Variants in CNGB3 observed in about 807,000 individuals in gnomAD.
The protein encoded by CNGB3 is cyclic nucleotide-gated channel beta-3.
A neutral mutation model predicts 92.8 loss-of-function variants in CNGB3; 86 were observed. The ratio of observed to expected loss-of-function variants is 0.93; its 90% CI spans 0.78 to 1.11. The LOEUF (loss-of-function observed/expected upper bound fraction) is 1.11. Among genes scored for constraint, CNGB3 ranks in the 50% least tolerant of loss-of-function variants. CNGB3 has a pLI of 0.00. For missense variants in CNGB3, 1,026 were observed against 956.8 expected (o/e 1.07, Z -0.95); for synonymous variants, 333 against 332.7 (o/e 1.00, Z -0.01).
At chr8:86,667,234 G>C (rs1823761238) in intron 5 of CNGB3, 101 bp from the exon 6 acceptor site, 1 of 984,122 alleles carries the variant, frequency 1.0e-6, no homozygotes, top group Non-Finnish European at 1.6e-6. Context: ...CCTCTACAGA[G>C]TAATTTGCCA....
At chr8:86,666,489 C>T (rs551678137) in intron 6 of CNGB3, among the ~76,000 whole-genome samples, 1 of 152,146 alleles carries the variant, frequency 6.6e-6, no homozygotes, top group South Asian at 2.1e-4. Flanking sequence ...ACCTCAGTTT[C>T]CTCATTTGTA....
chr8:86,695,359 A>T (rs7464753), intron 3 of CNGB3, among the ~76,000 whole-genome samples: 3 of 80,754 alleles, frequency 3.7e-5, no homozygotes, highest in East Asian at 6.6e-4. Context: ...TTCATTTTTT[A>T]AAAAATTATT....
rs1362140504 is a variant in CNGB3, at chr8:86,578,995, A to C, written c.1928+111T>G. The C allele has an allele frequency of 6.5e-6, 10 of 1,543,682 alleles. No individual in the cohort carries two copies. The African/African-American group carries it at 1.2e-4, about 19-fold the overall frequency. On this transcript the variant is annotated intron_variant, in intron 16 of 17. Coordinates refer to ENST00000320005, the MANE Select transcript of CNGB3 (RefSeq NM_019098.5). ...CTACATTAATAGTTGTTCATTAAGC[A>C]TATCTCACTGTGATCAAGTTTATCA...
chr8:86,666,105 G>T (rs1823735240), intron 6 of CNGB3, among the ~76,000 whole-genome samples: 2 of 152,122 alleles, frequency 1.3e-5, no homozygotes, highest in Admixed American at 1.3e-4. Flanking sequence ...TCCTAAGAAG[G>T]TTGAGTAGGT....
At chr8:86,736,393 TC>T (rs1384622462) in intron 2 of CNGB3, among the ~76,000 whole-genome samples, 1 of 152,144 alleles carries the variant, frequency 6.6e-6, no homozygotes, top group Admixed American at 6.5e-5. Context: ...AAATGAAACT[TC>T]CACAAAAGAG....
chr8:86,647,327 T>C (rs1340187804), intron 8 of CNGB3, among the ~76,000 whole-genome samples: 1 of 151,028 alleles, frequency 6.6e-6, no homozygotes, highest in Non-Finnish European at 1.5e-5. Flanking sequence ...CACATACTTG[T>C]GAAAGCATGT....
intron 8 of CNGB3, among the ~76,000 whole-genome samples, chr8:86,645,992 T>G (rs1823286754): frequency 6.6e-6 from 1 of 151,170 alleles, no homozygotes; most frequent in Non-Finnish European, 1.5e-5. Context: ...TAATGTTGAC[T>G]GTCAGGATCT....
chr8:86,664,847 C>T (rs1586002397), intron 6 of CNGB3, among the ~76,000 whole-genome samples: 1 of 152,152 alleles, frequency 6.6e-6, no homozygotes, highest in South Asian at 2.1e-4. Flanking sequence ...GGTGTGGCTA[C>T]CTCTCTGTGG....
At position 86,596,998 on chromosome 8, in the gene CNGB3, G is replaced by A. The variant is rs1418918774; in HGVS notation, c.1781+7095C>T. Among the ~76,000 whole-genome samples the A allele has an allele frequency of 2.6e-5, 4 of 151,878 alleles. No individual in the cohort carries two copies. The South Asian group carries it at 8.4e-4, about 32-fold the overall frequency. ...CAACGAGAACACATGGAGACAGGGA[G>A]GGGAACATCATACACTGGGGCCTGT... On this transcript the variant is annotated intron_variant, in intron 15 of 17. Transcript: ENST00000320005.
intron 6 of CNGB3, chr8:86,659,025 G>A (rs1823575734): frequency 1.0e-6 from 1 of 1,003,130 alleles, no homozygotes; most frequent in Admixed American, 1.9e-5. Context: ...CAGGTGCTCG[G>A]CCTCCACTTA....
chr8:86,684,324 A>C (rs1451867835), intron 3 of CNGB3, among the ~76,000 whole-genome samples: 1 of 152,140 alleles, frequency 6.6e-6, no homozygotes, highest in Non-Finnish European at 1.5e-5. Flanking sequence ...AGAATGGCTA[A>C]AATAAAAATA....
intron 13 of CNGB3, among the ~76,000 whole-genome samples, chr8:86,621,316 A>G (rs1469834981): frequency 6.6e-6 from 1 of 152,206 alleles, no homozygotes; most frequent in Non-Finnish European, 1.5e-5. Flanking sequence ...ATTTCTGACC[A>G]TACCTATAAT....
At chr8:86,707,611 G>A (rs1824674098) in intron 3 of CNGB3, 1 of 152,346 alleles carries the variant, frequency 6.6e-6, no homozygotes, top group African/African-American at 2.4e-5. Context: ...GCCATCATGA[G>A]GACTTCAGCT....
intron 2 of CNGB3, among the ~76,000 whole-genome samples, chr8:86,735,874 T>A (rs1461257473): frequency 1.3e-5 from 2 of 152,178 alleles, no homozygotes; most frequent in Non-Finnish European, 2.9e-5. Flanking sequence ...ATACTAGCAA[T>A]GGGAATTCAA....
At chr8:86,657,886 G>C (rs1284608983) in intron 6 of CNGB3, 3 of 543,162 alleles carry the variant, frequency 5.5e-6, no homozygotes, top group Admixed American at 1.9e-5. Context: ...GGAGGACAGG[G>C]TTCAGACGCT....
chr8:86,679,024 T>C (rs1824029860), intron 3 of CNGB3, among the ~76,000 whole-genome samples: 1 of 152,152 alleles, frequency 6.6e-6, no homozygotes, highest in Non-Finnish European at 1.5e-5. Context: ...GCTTTTACCA[T>C]TTTTTCTCTG....
At chr8:86,602,420 C>T (rs1822324723) in intron 15 of CNGB3, among the ~76,000 whole-genome samples, 1 of 152,118 alleles carries the variant, frequency 6.6e-6, no homozygotes, top group African/African-American at 2.4e-5. Context: ...TAAAATTATC[C>T]ATATTTCCAG....
chr8:86,615,252 C>G (rs1822595771), intron 13 of CNGB3, among the ~76,000 whole-genome samples: 1 of 152,064 alleles, frequency 6.6e-6, no homozygotes, highest in East Asian at 1.9e-4. Flanking sequence ...TACTGTCAAT[C>G]TATGGGCAGA....
chr8:86,673,437 G>A (rs183279606), intron 3 of CNGB3, among the ~76,000 whole-genome samples: 1 of 152,252 alleles, frequency 6.6e-6, no homozygotes, highest in African/African-American at 2.4e-5. Flanking sequence ...AGGGGGCCAG[G>A]TGGCAGAGGG....
Sources: gnomAD v4.1 joint callset for allele counts (sites outside exome capture counted in the v4.1 genomes callset) on GRCh38, gnomAD v4.1.1 for gene constraint, MANE v1.5 for transcripts, NCBI Gene and HGNC (gene_info 2026-07-23, HGNC 2026-07-21) for gene names.